SSH2: variants seen among roughly 807,000 people sequenced by gnomAD.
SSH2 encodes the protein protein phosphatase Slingshot homolog 2.
Under a neutral mutation model 135.2 loss-of-function variants are expected in SSH2, and 37 were observed. The ratio of observed to expected loss-of-function variants is 0.27; its 90% CI spans 0.21 to 0.36. The LOEUF (loss-of-function observed/expected upper bound fraction) is 0.36. Ranked by LOEUF, SSH2 falls within the 10% of genes least tolerant of loss-of-function variation. The pLI is 1.00. For synonymous variants in SSH2, 628 were observed against 646.2 expected (o/e 0.97, Z 0.43); for missense variants, 1,408 against 1,765.3 (o/e 0.80, Z 3.63).
Position 29,815,249 on chromosome 17 carries a change from G to A in SSH2, c.145-21312C>T, listed in dbSNP as rs536898482. ...AAGTGATCCCCTGCCTCAGCCTCCCGAGTAGCTGGGATTACAGGCACAGGC... is the reference window on the plus strand; with the variant it reads ...AAGTGATCCCCTGCCTCAGCCTCCCAAGTAGCTGGGATTACAGGCACAGGC... On this transcript the variant is annotated intron_variant, in intron 2 of 15. Transcript: ENST00000540801. Among the ~76,000 whole-genome samples, 3 of 150,662 alleles carry A rather than the reference G, an allele frequency of 2.0e-5. No homozygotes were observed. In the South Asian group the frequency reaches 6.3e-4, roughly 32 times the overall value.
intron 1 of SSH2, among the ~76,000 whole-genome samples, chr17:29,891,745 C>T (rs1213210762): frequency 6.6e-6 from 1 of 152,010 alleles, no homozygotes; most frequent in African/African-American, 2.4e-5. Context: ...AGAGCAGAAC[C>T]GCATCATTAT....
intron 3 of SSH2, among the ~76,000 whole-genome samples, chr17:29,782,299 C>G (rs1247967693): frequency 6.6e-6 from 1 of 152,138 alleles, no homozygotes; most frequent in East Asian, 1.9e-4. Context: ...TCTTCTATTC[C>G]TGTTCATTCA....
chr17:29,678,849 G>A (rs1018298191), intron 6 of SSH2, among the ~76,000 whole-genome samples: 2 of 151,026 alleles, frequency 1.3e-5, no homozygotes, highest in Non-Finnish European at 2.9e-5. Flanking sequence ...CGAGTAGCTG[G>A]GATTATATGC....
At chr17:29,682,504 T>C (rs1412793182) in intron 6 of SSH2, among the ~76,000 whole-genome samples, 1 of 152,152 alleles carries the variant, frequency 6.6e-6, no homozygotes. Flanking sequence ...GACACGTGCA[T>C]GCTGTATGCA....
At chr17:29,765,396 A>G (rs2041420131) in intron 3 of SSH2, among the ~76,000 whole-genome samples, 1 of 152,198 alleles carries the variant, frequency 6.6e-6, no homozygotes, top group Non-Finnish European at 1.5e-5. Context: ...GTGAGGATTA[A>G]TTAATTTACA....
chr17:29,706,830 T>C (rs1385958433), intron 3 of SSH2, among the ~76,000 whole-genome samples: 2 of 152,210 alleles, frequency 1.3e-5, no homozygotes, highest in African/African-American at 2.4e-5. Context: ...TTTTGTGAGA[T>C]AGGTAGTTTC....
At chr17:29,905,832 T>C (rs754197120) in intron 1 of SSH2, among the ~76,000 whole-genome samples, 7 of 152,022 alleles carry the variant, frequency 4.6e-5, no homozygotes, top group Non-Finnish European at 8.8e-5. Flanking sequence ...CTGAGGCCCA[T>C]AAAACCCTGG....
At chr17:29,790,822 G>A (rs8066503) in intron 3 of SSH2, among the ~76,000 whole-genome samples, 20,605 of 150,566 alleles carry the variant, frequency 0.14, 3,611 homozygotes, top group African/African-American at 0.41. Context: ...TCTGCCTCCC[G>A]AGTTCCAGTG....
At chr17:29,830,424 T>C (rs1303666925) in intron 2 of SSH2, among the ~76,000 whole-genome samples, 1 of 152,120 alleles carries the variant, frequency 6.6e-6, no homozygotes, top group Non-Finnish European at 1.5e-5. Flanking sequence ...CATCACTTTT[T>C]CCCCCAAGCC....
At chr17:29,918,757 C>T (rs1394434475) in intron 1 of SSH2, among the ~76,000 whole-genome samples, 2 of 151,926 alleles carry the variant, frequency 1.3e-5, no homozygotes, top group African/African-American at 2.4e-5. Context: ...GCCAACATGG[C>T]GAAACCCTAT....
chr17:29,768,731 C>T (rs541428084), intron 3 of SSH2, among the ~76,000 whole-genome samples: 2 of 152,048 alleles, frequency 1.3e-5, no homozygotes, highest in Non-Finnish European at 2.9e-5. Context: ...AACTTATTAA[C>T]ATTATAGGTG....
chr17:29,913,348 ATATATATATAT>A (rs1330050559), intron 1 of SSH2, among the ~76,000 whole-genome samples: 10 of 13,694 alleles, frequency 7.3e-4, no homozygotes, highest in African/African-American at 1.8e-3. Flanking sequence ...AAAAAAAAAA[ATATATATATAT>A]ATATATATAT....
At chr17:29,663,562 T>A (rs934292758) in intron 11 of SSH2, among the ~76,000 whole-genome samples, 45 of 150,968 alleles carry the variant, frequency 3.0e-4, no homozygotes, top group African/African-American at 8.3e-4. Flanking sequence ...ATTTTGAAGT[T>A]TTTTTTCCCC....
intron 2 of SSH2, among the ~76,000 whole-genome samples, chr17:29,815,864 G>A (rs907570154): frequency 1.3e-5 from 2 of 151,408 alleles, no homozygotes; most frequent in African/African-American, 4.9e-5. Context: ...TTTCTGGGGC[G>A]GGGGGATAGA....
At chr17:29,705,045 C>T (rs1306428595) in intron 3 of SSH2, among the ~76,000 whole-genome samples, 1 of 152,170 alleles carries the variant, frequency 6.6e-6, no homozygotes, top group Non-Finnish European at 1.5e-5. Flanking sequence ...TTCCCCCACC[C>T]TCAAGTCAAT....
chr17:29,838,698 C>T (rs1003961998), intron 2 of SSH2, among the ~76,000 whole-genome samples: 1 of 152,034 alleles, frequency 6.6e-6, no homozygotes, highest in African/African-American at 2.4e-5. Context: ...GAGGGGCCAC[C>T]CTCTCTGCTG....
At chr17:29,907,198 C>A (rs1298679444) in intron 1 of SSH2, among the ~76,000 whole-genome samples, 4 of 152,136 alleles carry the variant, frequency 2.6e-5, no homozygotes, top group African/African-American at 9.7e-5. Flanking sequence ...GGAATGAGAT[C>A]ATATCTTTTG....
intron 3 of SSH2, 171 bp downstream of exon 3, chr17:29,793,723 A>G (rs1237989316): frequency 7.4e-6 from 4 of 540,512 alleles, no homozygotes; most frequent in Non-Finnish European, 1.3e-5. Flanking sequence ...AATTACAGGC[A>G]CAAAATACCA....
chr17:29,663,475 C>T (rs1244826034), intron 11 of SSH2, among the ~76,000 whole-genome samples: 1 of 152,186 alleles, frequency 6.6e-6, no homozygotes, highest in Non-Finnish European at 1.5e-5. Context: ...CACCAAGGAA[C>T]AAGTATAATA....
Sources: gnomAD v4.1 joint callset for allele counts (sites outside exome capture counted in the v4.1 genomes callset) on GRCh38, gnomAD v4.1.1 for gene constraint, MANE v1.5 for transcripts, NCBI Gene and HGNC (gene_info 2026-07-23, HGNC 2026-07-21) for gene names.